The following SEMA6D variants were observed in gnomAD, a reference collection of about 807,000 sequenced individuals.
SEMA6D encodes the protein semaphorin 6D.
In SEMA6D, 35 loss-of-function variants were observed where a neutral mutation model predicts 106.6. The observed-to-expected ratio is 0.33, with a 90% CI of 0.25 to 0.44. The LOEUF is 0.44. Among genes scored for constraint, SEMA6D ranks in the 20% least tolerant of loss-of-function variants. The probability of loss-of-function intolerance (pLI) is 1.00; values close to 1 mark genes in which losing one functional copy is unlikely to be tolerated. For missense variants in SEMA6D, 1,185 were observed against 1,345.9 expected (o/e 0.88, Z 1.87); for synonymous variants, 499 against 487.7 (o/e 1.02, Z -0.31).
intron 3 of SEMA6D, among the ~76,000 whole-genome samples, chr15:47,527,098 A>G (rs1403062909): frequency 6.6e-6 from 1 of 152,212 alleles, no homozygotes; most frequent in African/African-American, 2.4e-5. Context: ...ACTTTGCTCA[A>G]CAACAGGAAT....
intron 1 of SEMA6D, among the ~76,000 whole-genome samples, chr15:47,192,210 C>G (rs1248127976): frequency 1.3e-5 from 2 of 152,186 alleles, no homozygotes; most frequent in Admixed American, 1.3e-4. Flanking sequence ...GCCATGCTTC[C>G]TATTCACTGA....
At chr15:47,558,731 C>A (rs1170861377) in intron 3 of SEMA6D, among the ~76,000 whole-genome samples, 1 of 151,972 alleles carries the variant, frequency 6.6e-6, no homozygotes, top group Non-Finnish European at 1.5e-5. Flanking sequence ...AAAATAATAA[C>A]AGCTTTGCTT....
intron 1 of SEMA6D, among the ~76,000 whole-genome samples, chr15:47,297,251 A>G (rs1178491925): frequency 2.6e-5 from 4 of 152,146 alleles, no homozygotes; most frequent in Admixed American, 6.5e-5. Context: ...CATTTTTATG[A>G]TTTCTCAATT....
At chr15:47,261,475 A>G (rs2034072394) in intron 1 of SEMA6D, among the ~76,000 whole-genome samples, 1 of 152,116 alleles carries the variant, frequency 6.6e-6, no homozygotes, top group South Asian at 2.1e-4. Context: ...ATTTAAATGC[A>G]TTTGGTCTCA....
chr15:47,391,944 T>C (rs1383887690), intron 1 of SEMA6D, among the ~76,000 whole-genome samples: 1 of 152,124 alleles, frequency 6.6e-6, no homozygotes, highest in African/African-American at 2.4e-5. Context: ...AAAATGCATC[T>C]TAAAAACACC....
intron 1 of SEMA6D, among the ~76,000 whole-genome samples, chr15:47,321,590 A>G (rs1360100562): frequency 6.6e-6 from 1 of 152,194 alleles, no homozygotes; most frequent in Non-Finnish European, 1.5e-5. Flanking sequence ...ATAAGAAATG[A>G]TCCCATAGTA....
chr15:47,265,014 T>C (rs1468864245), intron 1 of SEMA6D, among the ~76,000 whole-genome samples: 1 of 152,060 alleles, frequency 6.6e-6, no homozygotes, highest in Non-Finnish European at 1.5e-5. Context: ...TTCAGTTTGC[T>C]AGAATCTTCT....
chr15:47,443,446 A>G (rs1311452755), intron 2 of SEMA6D, among the ~76,000 whole-genome samples: 2 of 152,106 alleles, frequency 1.3e-5, no homozygotes, highest in Admixed American at 1.3e-4. Flanking sequence ...TGGCATGACC[A>G]TATAGAGGTC....
chr15:47,494,789 T>TATATAA (rs1172707329), intron 3 of SEMA6D, among the ~76,000 whole-genome samples: 78 of 88,848 alleles, frequency 8.8e-4, no homozygotes, highest in African/African-American at 3.7e-3. Context: ...TATATATATA[T>TATATAA]AATCTCCAGA....
At chr15:47,450,071 A>T (rs2042142448) in intron 2 of SEMA6D, among the ~76,000 whole-genome samples, 1 of 152,114 alleles carries the variant, frequency 6.6e-6, no homozygotes, top group African/African-American at 2.4e-5. Context: ...ATTGCCTTTT[A>T]AAAAATAGGA....
At chr15:47,264,714 A>G (rs1017085022) in intron 1 of SEMA6D, among the ~76,000 whole-genome samples, 4 of 152,088 alleles carry the variant, frequency 2.6e-5, no homozygotes, top group Non-Finnish European at 5.9e-5. Flanking sequence ...GTCTTTCACC[A>G]TTAAATATGA....
chr15:47,707,176 A>T (rs1306257240), intron 4 of SEMA6D, among the ~76,000 whole-genome samples: 2 of 152,190 alleles, frequency 1.3e-5, no homozygotes, highest in African/African-American at 4.8e-5. Context: ...TGACATGTTC[A>T]TGATGTCCAA....
At chr15:47,742,283 C>T (rs1252502066) in intron 1 of SEMA6D, among the ~76,000 whole-genome samples, 1 of 138,198 alleles carries the variant, frequency 7.2e-6, no homozygotes, top group African/African-American at 2.9e-5. Flanking sequence ...CATTTTCTCA[C>T]TTGTCCCTTT....
chr15:47,401,561 C>G (rs2040401439), intron 1 of SEMA6D, among the ~76,000 whole-genome samples: 1 of 152,136 alleles, frequency 6.6e-6, no homozygotes, highest in African/African-American at 2.4e-5. Context: ...ACCTGCTCAC[C>G]CAATACCCAT....
chr15:47,673,643 G>C (rs928203808), intron 4 of SEMA6D, among the ~76,000 whole-genome samples: 2 of 152,146 alleles, frequency 1.3e-5, no homozygotes, highest in African/African-American at 4.8e-5. Context: ...CCAGTCTATG[G>C]GGCAAGACCA....
intron 3 of SEMA6D, among the ~76,000 whole-genome samples, chr15:47,575,698 A>G (rs1454776151): frequency 2.6e-5 from 4 of 151,920 alleles, no homozygotes; most frequent in Non-Finnish European, 4.4e-5. Flanking sequence ...CAGCCTGGGT[A>G]ACAGAGCAAG....
At chr15:47,361,269 A>G (rs551153781) in intron 1 of SEMA6D, among the ~76,000 whole-genome samples, 1 of 152,286 alleles carries the variant, frequency 6.6e-6, no homozygotes, top group East Asian at 1.9e-4. Flanking sequence ...TGATAACGCC[A>G]TGGTTTCATT....
At chr15:47,218,322 G>A (rs2030861439) in intron 1 of SEMA6D, among the ~76,000 whole-genome samples, 1 of 152,048 alleles carries the variant, frequency 6.6e-6, no homozygotes, top group South Asian at 2.1e-4. Context: ...GTCTTCATTT[G>A]TCTGTCTCTT....
chr15:47,324,342 C>T (rs1347228637), intron 1 of SEMA6D, among the ~76,000 whole-genome samples: 1 of 151,884 alleles, frequency 6.6e-6, no homozygotes, highest in Non-Finnish European at 1.5e-5. Context: ...TTCATTCTTC[C>T]AGCAAAAATG....
Sources: gnomAD v4.1 joint callset for allele counts (sites outside exome capture counted in the v4.1 genomes callset) on GRCh38, gnomAD v4.1.1 for gene constraint, MANE v1.5 for transcripts, NCBI Gene and HGNC (gene_info 2026-07-23, HGNC 2026-07-21) for gene names.